RNF220: variants seen among roughly 807,000 people sequenced by gnomAD.
RNF220 encodes E3 ubiquitin-protein ligase RNF220.
In RNF220, 7 loss-of-function variants were observed where a neutral mutation model predicts 67.1. That is an observed-to-expected ratio of 0.10 (90% CI 0.06 to 0.20). The LOEUF is 0.20. RNF220 is among the 10% of genes least tolerant of loss of function. RNF220 has a pLI of 1.00. For missense variants in RNF220, 565 were observed against 740.3 expected, an observed-to-expected ratio of 0.76 and a Z score of 2.75; for synonymous variants, 270 against 283.2, an observed-to-expected ratio of 0.95 and a Z score of 0.47.
chr1:44,507,635 C>T (rs769244265), intron 2 of RNF220, among the ~76,000 whole-genome samples: 15 of 151,516 alleles, frequency 9.9e-5, no homozygotes, highest in Non-Finnish European at 1.8e-4. Context: ...CTTGGAGTGG[C>T]GTGGGGGTTG....
intron 2 of RNF220, among the ~76,000 whole-genome samples, chr1:44,488,061 C>G (rs1245524777): frequency 6.6e-6 from 1 of 151,404 alleles, no homozygotes; most frequent in East Asian, 2.0e-4. Context: ...CCTCGACCTC[C>G]CAAGGCTCAG....
At chr1:44,468,848 C>T (rs932950654) in intron 2 of RNF220, among the ~76,000 whole-genome samples, 7 of 151,764 alleles carry the variant, frequency 4.6e-5, no homozygotes, top group African/African-American at 1.7e-4. Context: ...GCCTGGGAGG[C>T]GGAGGTTGCA....
intron 2 of RNF220, among the ~76,000 whole-genome samples, chr1:44,465,509 ATCC>A (rs1654198059): frequency 6.6e-6 from 1 of 150,660 alleles, no homozygotes; most frequent in African/African-American, 2.4e-5. Context: ...GGTTCAGGTG[ATCC>A]TCCTGCCTCA....
Position 44,564,450 on chromosome 1 carries a change from C to G in RNF220, c.626-49715C>G, listed in dbSNP as rs78266128. On this transcript the variant is annotated intron_variant, in intron 2 of 14. Coordinates refer to ENST00000361799, the MANE Select transcript of RNF220 (RefSeq NM_018150.4). ...CACCCCAGTTAATTCTATTGTGCAGCCAAGGTGAAGAACCACTATTCTGGC... is the reference window on the plus strand; with the variant it reads ...CACCCCAGTTAATTCTATTGTGCAGGCAAGGTGAAGAACCACTATTCTGGC... Among the ~76,000 whole-genome samples, 298 of 152,186 alleles carry G rather than the reference C, an allele frequency of 2.0e-3. 2 individuals are homozygous for G. In the East Asian group the frequency reaches 0.031, roughly 16 times the overall value.
chr1:44,505,057 G>A (rs1345045189), intron 2 of RNF220, among the ~76,000 whole-genome samples: 5 of 152,090 alleles, frequency 3.3e-5, no homozygotes, highest in East Asian at 3.9e-4. Flanking sequence ...CTCATTTATC[G>A]TTACAGCAAC....
At chr1:44,427,409 G>A (rs1458958937) in intron 2 of RNF220, among the ~76,000 whole-genome samples, 1 of 152,142 alleles carries the variant, frequency 6.6e-6, no homozygotes, top group South Asian at 2.1e-4. Context: ...TTGCAGTGTG[G>A]CAGCCCTTAG....
chr1:44,429,281 CA>C (rs1186808037), intron 2 of RNF220, among the ~76,000 whole-genome samples: 1 of 152,124 alleles, frequency 6.6e-6, no homozygotes, highest in Non-Finnish European at 1.5e-5. Context: ...AAGATTTTAA[CA>C]AAAGAAACAA....
intron 8 of RNF220, 92 bp downstream of exon 8, chr1:44,636,254 G>T (rs1224457820): frequency 1.3e-6 from 2 of 1,531,570 alleles, no homozygotes; most frequent in Non-Finnish European, 1.8e-6. Flanking sequence ...GAGGCTGGTG[G>T]CTGGTCATCC....
intron 2 of RNF220, among the ~76,000 whole-genome samples, chr1:44,552,049 G>A (rs1030057014): frequency 3.9e-5 from 6 of 152,194 alleles, no homozygotes; most frequent in African/African-American, 9.7e-5. Flanking sequence ...CCACCAAACC[G>A]TGGACAGCAG....
At chr1:44,579,043 C>G (rs1665040231) in intron 2 of RNF220, among the ~76,000 whole-genome samples, 2 of 151,844 alleles carry the variant, frequency 1.3e-5, no homozygotes, top group Admixed American at 1.3e-4. Context: ...GTAATCCCAG[C>G]TACTCGGGAG....
intron 2 of RNF220, among the ~76,000 whole-genome samples, chr1:44,455,343 A>G (rs1340743788): frequency 6.6e-6 from 1 of 152,218 alleles, no homozygotes; most frequent in Non-Finnish European, 1.5e-5. Context: ...GAGGAGAAAA[A>G]TAAGAAAGAG....
chr1:44,483,038 C>T (rs72895521), intron 2 of RNF220, among the ~76,000 whole-genome samples: 3,912 of 149,966 alleles, frequency 0.026, 173 homozygotes, highest in African/African-American at 0.09. Flanking sequence ...TCAGGCAGTC[C>T]TCCTGCCTTA....
intron 3 of RNF220, among the ~76,000 whole-genome samples, chr1:44,620,656 T>C (rs575027178): frequency 6.6e-6 from 1 of 152,358 alleles, no homozygotes; most frequent in South Asian, 2.1e-4. Flanking sequence ...TAGTCTGTGA[T>C]GCCCCCACTG....
At chr1:44,409,325 T>C (rs1647736557) in intron 1 of RNF220, among the ~76,000 whole-genome samples, 1 of 152,268 alleles carries the variant, frequency 6.6e-6, no homozygotes, top group Non-Finnish European at 1.5e-5. Context: ...TTTAGCTTCG[T>C]GGATTGATCC....
rs149773550 is a variant in RNF220, at chr1:44,612,896, C to A, written c.626-1269C>A. ...TCTGAAAGCTGATTTTGACCCCCTC[C>A]AGGAACCAGTGGGAAGAAGAAGAAG... On this transcript the variant is annotated intron_variant, in intron 2 of 14. Transcript: ENST00000361799. Among the ~76,000 whole-genome samples, 51 of 152,326 alleles carry A rather than the reference C, an allele frequency of 3.3e-4. No homozygotes were observed. In the East Asian group the frequency reaches 9.8e-3, roughly 29 times the overall value.
At chr1:44,481,388 T>C (rs1655793276) in intron 2 of RNF220, among the ~76,000 whole-genome samples, 1 of 152,122 alleles carries the variant, frequency 6.6e-6, no homozygotes, top group Non-Finnish European at 1.5e-5. Context: ...ATCGCCCTGC[T>C]GCACTCCATC....
chr1:44,602,254 T>G (rs1666972991), intron 2 of RNF220, among the ~76,000 whole-genome samples: 1 of 151,936 alleles, frequency 6.6e-6, no homozygotes, highest in Non-Finnish European at 1.5e-5. Context: ...GGTAGGTAAC[T>G]GACAAGGTGG....
chr1:44,618,322 G>T (rs944008766), intron 3 of RNF220, among the ~76,000 whole-genome samples: 3 of 152,144 alleles, frequency 2.0e-5, no homozygotes, highest in Non-Finnish European at 4.4e-5. Flanking sequence ...ACACAGATGT[G>T]CCCACACACA....
intron 8 of RNF220, among the ~76,000 whole-genome samples, chr1:44,639,994 T>C (rs1644441205): frequency 1.3e-5 from 2 of 152,242 alleles, no homozygotes; most frequent in Non-Finnish European, 2.9e-5. Context: ...TTCACCATGT[T>C]GGCCAGGCTG....
Sources: allele counts gnomAD v4.1 joint callset (sites outside exome capture counted in the v4.1 genomes callset), GRCh38; gene constraint gnomAD v4.1.1; transcripts MANE v1.5; gene names NCBI Gene and HGNC (gene_info 2026-07-23, HGNC 2026-07-21).